GLT1D1: variants seen among roughly 807,000 people sequenced by gnomAD.
The protein encoded by GLT1D1 is glycosyltransferase 1 domain containing 1.
Under a neutral mutation model 28.7 loss-of-function variants are expected in GLT1D1, and 21 were observed. The ratio of observed to expected loss-of-function variants is 0.73; its 90% CI spans 0.52 to 1.05. GLT1D1 has a LOEUF of 1.05. GLT1D1 is among the 50% of genes least tolerant of loss of function. The pLI, the probability that GLT1D1 is intolerant of heterozygous loss-of-function variation, is 0.00. For missense variants in GLT1D1, 343 were observed against 330.6 expected (o/e 1.04, Z -0.29); for synonymous variants, 147 against 124.8 (o/e 1.18, Z -1.19).
At chr12:128,946,648 T>C (rs1294026030) in intron 5 of GLT1D1, among the ~76,000 whole-genome samples, 2 of 127,926 alleles carry the variant, frequency 1.6e-5, no homozygotes, top group East Asian at 2.3e-4. Context: ...TTTTTTTTTT[T>C]TTTTTTTTTT....
rs192089561 is a variant in GLT1D1 at position 128,888,242 on chromosome 12, T to A, written c.218-397T>A. 6.6e-5 allele frequency among the ~76,000 whole-genome samples: 10 copies of A among 152,324 alleles called. No homozygotes were observed. In the East Asian group the frequency reaches 1.7e-3, roughly 26 times the overall value. ...TGTTGTCCCAAGCTAGCACGGTGCCTGTTGGTGTTGATGAACAATAGGACT... is the reference window on the plus strand; with the variant it reads ...TGTTGTCCCAAGCTAGCACGGTGCCAGTTGGTGTTGATGAACAATAGGACT... On this transcript the variant is annotated intron_variant, in intron 2 of 7. Transcript: ENST00000281703.
At chr12:128,905,118 G>A (rs1201614684) in intron 4 of GLT1D1, among the ~76,000 whole-genome samples, 2 of 152,156 alleles carry the variant, frequency 1.3e-5, no homozygotes, top group East Asian at 1.9e-4. Context: ...CACTTACGCC[G>A]TTTCCCAGAA....
chr12:128,940,776 G>A (rs1566154786), intron 4 of GLT1D1, among the ~76,000 whole-genome samples: 1 of 152,200 alleles, frequency 6.6e-6, no homozygotes, highest in African/African-American at 2.4e-5. Context: ...TGAAAAGGCT[G>A]CCCCTGGCCT....
At chr12:128,886,015 C>T (rs1274172228) in intron 2 of GLT1D1, among the ~76,000 whole-genome samples, 2 of 152,126 alleles carry the variant, frequency 1.3e-5, no homozygotes, top group Non-Finnish European at 2.9e-5. Context: ...TGGGCCTTTC[C>T]TGTGCTGTTC....
chr12:128,982,161 G>T lies in GLT1D1; in HGVS notation c.640-768G>T, dbSNP rs191928225. Among the ~76,000 whole-genome samples, 13 of 152,126 alleles carry T rather than the reference G, an allele frequency of 8.5e-5. No homozygotes were observed. In the South Asian group the frequency reaches 2.1e-3, roughly 24 times the overall value. On this transcript the variant is annotated intron_variant, in intron 7 of 7. Coordinates refer to ENST00000281703, the MANE Select transcript of GLT1D1 (RefSeq NM_144669.3). ...CGGAAACACAGCCCGAAGCTGAGCC[G>T]CGGGAGGAAAGGCCAGAAAAGCAAA...
Position 128,915,001 on chromosome 12 carries a change from G to C in GLT1D1, c.375+15714G>C. 1 of 1,531,186 alleles carries C rather than the reference G, an allele frequency of 6.5e-7. No individual in the cohort carries two copies. The highest frequency in any genetic ancestry group is 8.8e-7 in the Non-Finnish European group (1 of 1,142,534). The allele number at this position is 1,531,186 out of a possible 1,614,324, so 94.8% of individuals were successfully genotyped here. On this transcript the variant is annotated intron_variant, in intron 4 of 7. Coordinates refer to ENST00000281703, the MANE Select transcript of GLT1D1 (RefSeq NM_144669.3). The stretch of plus-strand genomic sequence containing the variant: ...TCTTCAACGCTCTGGTGAGACATGA[G>C]ATCTTCTTAGAGGATTTTGATGAAG...
intron 4 of GLT1D1, 134 bp from the exon 9 acceptor site, chr12:128,945,192 C>A: frequency 2.3e-6 from 2 of 887,652 alleles, no homozygotes; most frequent in South Asian, 2.7e-5. Context: ...GCAGCAGCCG[C>A]GAGGACACCC....
chr12:128,879,153 T>C (rs1956940712), intron 2 of GLT1D1, among the ~76,000 whole-genome samples: 1 of 152,182 alleles, frequency 6.6e-6, no homozygotes, highest in African/African-American at 2.4e-5. Context: ...TTTCTTTTTT[T>C]CTTCAGCTTT....
chr12:128,956,171 A>AAAG lies in GLT1D1; in HGVS notation c.541-1373_541-1372insAGA, dbSNP rs374597920. On this transcript the variant is annotated intron_variant, in intron 6 of 7. Coordinates refer to ENST00000281703, the MANE Select transcript of GLT1D1 (RefSeq NM_144669.3). ...GAGACTCCATCTCAAAAAAAAAAAA[A>AAAG]AGAGAAAGAGAGAAAGAAAGAAAGA... Among the ~76,000 whole-genome samples, 57 of 63,988 alleles carry AAAG rather than the reference A, an allele frequency of 8.9e-4. 17 individuals carry two copies. Among genetic ancestry groups the AAAG allele is most frequent in the Non-Finnish European group, 1.4e-3 (40 of 28,332 alleles). The allele number at this position is 63,988 out of a possible 152,430, so 42.0% of individuals were successfully genotyped here.
chr12:128,898,037 CT>C (rs1017516135), intron 3 of GLT1D1, among the ~76,000 whole-genome samples: 3 of 152,228 alleles, frequency 2.0e-5, no homozygotes, highest in African/African-American at 2.4e-5. Context: ...ATCTTTCTAT[CT>C]TTTTTTCACT....
chr12:128,876,208 T>C, intron 2 of GLT1D1, 146 bp downstream of exon 2: 1 of 684,080 alleles, frequency 1.5e-6, no homozygotes, highest in South Asian at 2.4e-5. Flanking sequence ...GTTTGCTTTC[T>C]TAATGCACAA....
intron 6 of GLT1D1, among the ~76,000 whole-genome samples, chr12:128,947,925 A>G (rs1011702502): frequency 2.0e-5 from 3 of 152,190 alleles, no homozygotes; most frequent in South Asian, 2.1e-4. Context: ...GTGTTCGTAG[A>G]TGACGGGGTG....
intron 1 of GLT1D1, among the ~76,000 whole-genome samples, chr12:128,868,424 C>T (rs901506181): frequency 1.3e-5 from 2 of 152,140 alleles, no homozygotes; most frequent in Non-Finnish European, 2.9e-5. Context: ...TAGGAAGGAG[C>T]GTGTGGGAAC....
At chr12:128,968,598 G>T (rs1003773344) in intron 7 of GLT1D1, among the ~76,000 whole-genome samples, 7 of 152,002 alleles carry the variant, frequency 4.6e-5, no homozygotes, top group Admixed American at 2.0e-4. Context: ...GGAGGGTGGG[G>T]GTTGCAGTGA....
chr12:128,966,710 A>G (rs1430650407), intron 7 of GLT1D1, among the ~76,000 whole-genome samples: 1 of 152,234 alleles, frequency 6.6e-6, no homozygotes, highest in African/African-American at 2.4e-5. Flanking sequence ...CTGTTGGCAC[A>G]AAGATAATGG....
chr12:128,855,958 G>A (rs1328770077), intron 1 of GLT1D1, among the ~76,000 whole-genome samples: 1 of 151,952 alleles, frequency 6.6e-6, no homozygotes, highest in Non-Finnish European at 1.5e-5. Context: ...CACCATGTTG[G>A]CCAGGCTGGT....
chr12:128,970,654 T>TGCTCACCC (rs970395964), intron 7 of GLT1D1, among the ~76,000 whole-genome samples: 1 of 152,240 alleles, frequency 6.6e-6, no homozygotes, highest in African/African-American at 2.4e-5. Context: ...ACCTGAGCTT[T>TGCTCACCC]GCTCACCCTC....
intron 7 of GLT1D1, among the ~76,000 whole-genome samples, chr12:128,966,242 G>A (rs751873609): frequency 6.6e-5 from 10 of 152,326 alleles, no homozygotes; most frequent in South Asian, 6.2e-4. Flanking sequence ...CTGAGAGGGC[G>A]TGCATACCAG....
chr12:128,895,584 G>A (rs984707896), intron 3 of GLT1D1, among the ~76,000 whole-genome samples: 1 of 151,792 alleles, frequency 6.6e-6, no homozygotes, highest in Non-Finnish European at 1.5e-5. Context: ...AGCCTTCTGA[G>A]TAGCTGGGAT....
Sources: gnomAD v4.1 joint callset for allele counts (sites outside exome capture counted in the v4.1 genomes callset) on GRCh38, gnomAD v4.1.1 for gene constraint, MANE v1.5 for transcripts, NCBI Gene and HGNC (gene_info 2026-07-23, HGNC 2026-07-21) for gene names.